TECRL: variants seen among roughly 807,000 people sequenced by gnomAD.
TECRL encodes trans-2,3-enoyl-CoA reductase-like.
A neutral mutation model predicts 52.8 loss-of-function variants in TECRL; 63 were observed. The ratio of observed to expected loss-of-function variants is 1.19; its 90% CI spans 0.97 to 1.47. TECRL has a LOEUF of 1.47. Among genes scored for constraint, TECRL ranks in the 40% most tolerant of loss-of-function variants. The pLI is 0.00. For missense variants in TECRL, 482 were observed against 429.6 expected, an observed-to-expected ratio of 1.12 and a Z score of -1.08; for synonymous variants, 164 against 141.9, an observed-to-expected ratio of 1.16 and a Z score of -1.10.
At chr4:64,288,405 G>A (rs1577804629) in intron 9 of TECRL, among the ~76,000 whole-genome samples, 1 of 152,014 alleles carries the variant, frequency 6.6e-6, no homozygotes, top group African/African-American at 2.4e-5. Flanking sequence ...ACTCAACATC[G>A]ACCGTTCTAC....
At chr4:64,335,108 C>T (rs946558750) in intron 2 of TECRL, among the ~76,000 whole-genome samples, 5 of 152,152 alleles carry the variant, frequency 3.3e-5, no homozygotes, top group African/African-American at 1.2e-4. Context: ...GTCTCCAACC[C>T]CTGGGCCACA....
At chr4:64,303,348 G>C (rs1339941624) in intron 7 of TECRL, among the ~76,000 whole-genome samples, 1 of 151,514 alleles carries the variant, frequency 6.6e-6, no homozygotes, top group Admixed American at 6.6e-5. Flanking sequence ...ATAACTAATA[G>C]TTTAAGAAAT....
At chr4:64,322,815 A>AT in intron 3 of TECRL, 23 bp from the exon 4 acceptor site, 1 of 1,527,864 alleles carries the variant, frequency 6.5e-7, no homozygotes, top group Non-Finnish European at 8.9e-7. Context: ...TAACAAGAAA[A>AT]TTTTATTTTA....
chr4:64,362,408 T>A (rs1404976192), intron 2 of TECRL, among the ~76,000 whole-genome samples: 3 of 151,684 alleles, frequency 2.0e-5, no homozygotes, highest in African/African-American at 4.8e-5. Flanking sequence ...ATCAGATTCT[T>A]CAAAGTCAAG....
At chr4:64,394,849 A>T (rs1250096793) in intron 1 of TECRL, among the ~76,000 whole-genome samples, 16 of 152,060 alleles carry the variant, frequency 1.1e-4, no homozygotes, top group Admixed American at 1.0e-3. Flanking sequence ...AGATAAAAAA[A>T]TTGAGATCAT....
intron 1 of TECRL, among the ~76,000 whole-genome samples, chr4:64,379,247 TACACACACACACAC>T (rs4034911): frequency 1.0e-4 from 15 of 145,324 alleles, no homozygotes; most frequent in South Asian, 2.3e-4. Context: ...CACACACACA[TACACACACACACAC>T]ACACACACAC....
intron 10 of TECRL, 109 bp from the exon 11 acceptor site, chr4:64,281,195 G>T: frequency 1.5e-6 from 1 of 670,558 alleles, no homozygotes; most frequent in Non-Finnish European, 2.4e-6. Flanking sequence ...AAAACTTATA[G>T]ATAGGAATAC....
At chr4:64,312,065 G>A (rs899213489) in intron 5 of TECRL, among the ~76,000 whole-genome samples, 5 of 152,256 alleles carry the variant, frequency 3.3e-5, no homozygotes, top group Middle Eastern at 3.4e-3. Context: ...TTTAGTCCCC[G>A]TGTGCGGAGG....
intron 5 of TECRL, 135 bp from the exon 6 acceptor site, chr4:64,310,066 A>G (rs1724581261): frequency 1.8e-6 from 1 of 544,966 alleles, no homozygotes. Flanking sequence ...TAAAACACAA[A>G]TACTTGCTTT....
intron 2 of TECRL, among the ~76,000 whole-genome samples, chr4:64,328,888 T>C (rs1328670415): frequency 1.3e-5 from 2 of 152,004 alleles, no homozygotes; most frequent in Non-Finnish European, 2.9e-5. Context: ...TTTTCATCAA[T>C]AAAAAGCTTG....
At chr4:64,322,437 T>C (rs1190450471) in intron 4 of TECRL, among the ~76,000 whole-genome samples, 1 of 124,410 alleles carries the variant, frequency 8.0e-6, no homozygotes, top group Non-Finnish European at 1.6e-5. Flanking sequence ...CTCCCAGTAA[T>C]AGAGTGGGTT....
intron 2 of TECRL, among the ~76,000 whole-genome samples, chr4:64,345,579 T>G (rs1719895649): frequency 6.7e-6 from 1 of 148,218 alleles, no homozygotes; most frequent in South Asian, 2.3e-4. Context: ...AGGGATAGCA[T>G]TAGGAGATAT....
intron 2 of TECRL, among the ~76,000 whole-genome samples, chr4:64,363,521 T>A (rs867747190): frequency 3.5e-4 from 53 of 152,286 alleles, no homozygotes; most frequent in Middle Eastern, 3.4e-3. Flanking sequence ...TACTGCTGTG[T>A]CTGGTTTCCA....
chr4:64,381,520 G>A (rs535878013), intron 1 of TECRL, among the ~76,000 whole-genome samples: 1 of 151,794 alleles, frequency 6.6e-6, no homozygotes, highest in African/African-American at 2.4e-5. Context: ...TCAGCTGAAG[G>A]TTTGTCATAT....
intron 4 of TECRL, among the ~76,000 whole-genome samples, chr4:64,315,669 C>T (rs1185740291): frequency 6.6e-6 from 1 of 151,932 alleles, no homozygotes; most frequent in African/African-American, 2.4e-5. Flanking sequence ...TAGCTGTCCA[C>T]ATTGGTTAGA....
intron 6 of TECRL, among the ~76,000 whole-genome samples, chr4:64,309,489 T>C (rs1242017511): frequency 6.6e-6 from 1 of 152,100 alleles, no homozygotes; most frequent in Non-Finnish European, 1.5e-5. Context: ...CCCACACAGA[T>C]GTATATTTGT....
Position 64,281,486 on chromosome 4 carries a change from G to C in TECRL, c.906C>G (p.Asn302Lys), listed in dbSNP as rs1722825726. ...ATAAATAACATACCTCATAGGTGTA[G>C]TTAGGACATGAAACCAGGAAAAACA... ...TWMFFLVSCP[N>K]YTYEIGSWIS... Residue 302 changes from asparagine (N) to lysine (K), a missense_variant, in exon 10 of 12, where the codon AAC becomes AAG. Physicochemically the swap from Asn to Lys is moderately conservative, Grantham distance 94. Coordinates refer to ENST00000381210, the MANE Select transcript of TECRL (RefSeq NM_001010874.5). 6.3e-7 allele frequency: 1 copy of C among 1,596,910 alleles called. No individual in the cohort carries two copies. Among genetic ancestry groups the C allele is most frequent in the South Asian group, 1.1e-5 (1 of 90,014 alleles).
downstream of TECRL, chr4:64,276,960 C>T: frequency 2.7e-6 from 3 of 1,131,014 alleles, no homozygotes; most frequent in South Asian, 3.3e-5. Context: ...TACATGGCTG[C>T]TACAGGATTA....
In TECRL at chr4:64,293,189, C is replaced by G. The variant is rs545634151; in HGVS notation, c.775-3422G>C. On this transcript the variant is annotated intron_variant, in intron 8 of 11. Transcript: ENST00000381210. ...TAATACGATATTGAAGAATCAGTGT[C>G]TACACACAAAAATAATCTTTTGCTT... Among the ~76,000 whole-genome samples, 44 of 152,148 alleles carry G rather than the reference C, an allele frequency of 2.9e-4. No individual in the cohort carries two copies. The South Asian group carries it at 8.9e-3, about 31-fold the overall frequency.
Sources: allele counts gnomAD v4.1 joint callset (sites outside exome capture counted in the v4.1 genomes callset), GRCh38; gene constraint gnomAD v4.1.1; transcripts MANE v1.5; gene names NCBI Gene and HGNC (gene_info 2026-07-23, HGNC 2026-07-21).